XIRP2: variants seen among roughly 807,000 people sequenced by gnomAD.
XIRP2 encodes the protein xin actin binding repeat containing 2.
In XIRP2, 236 loss-of-function variants were observed where a neutral mutation model predicts 277.0. The ratio of observed to expected loss-of-function variants is 0.85; its 90% CI spans 0.77 to 0.95. XIRP2 has a LOEUF of 0.95. Among genes scored for constraint, XIRP2 ranks in the 40% least tolerant of loss-of-function variants. The pLI is 0.00. For missense variants in XIRP2, 4,640 were observed against 4,157.5 expected (o/e 1.12, Z -3.19); for synonymous variants, 1,490 against 1,416.5 (o/e 1.05, Z -1.17).
rs563790973 is a variant in XIRP2 at position 167,025,545 on chromosome 2, T to G, written c.409-110364T>G. Among the ~76,000 whole-genome samples, 953 of 151,786 alleles carry G rather than the reference T, an allele frequency of 6.3e-3. 11 individuals carry two copies. The highest frequency in any genetic ancestry group is 0.021 in the African/African-American group (888 of 41,524). On this transcript the variant is annotated intron_variant, in intron 2 of 10. Coordinates refer to ENST00000409195, the MANE Select transcript of XIRP2 (RefSeq NM_152381.6). ...TTTTCTAGTTCTTTTAATTGTGATG[T>G]TAGGGTGTCAATTTTGGATCTTTCC...
chr2:166,938,852 T>A (rs1685604167), intron 2 of XIRP2, among the ~76,000 whole-genome samples: 2 of 152,194 alleles, frequency 1.3e-5, no homozygotes, highest in Non-Finnish European at 2.9e-5. Context: ...TGTAATGGCC[T>A]CTTTTGTCTC....
intron 2 of XIRP2, among the ~76,000 whole-genome samples, chr2:166,907,764 C>A (rs1173879695): frequency 3.4e-5 from 4 of 117,100 alleles, no homozygotes; most frequent in Non-Finnish European, 7.0e-5. Flanking sequence ...CCCTCCCCCC[C>A]TCCCCCCACC....
chr2:167,236,325 A>G (rs772394565), intron 5 of XIRP2, among the ~76,000 whole-genome samples: 4 of 152,152 alleles, frequency 2.6e-5, no homozygotes, highest in South Asian at 2.1e-4. Flanking sequence ...GAAATTTACA[A>G]TGTCTTTCCC....
At chr2:167,194,706 A>G (rs187836726) in intron 3 of XIRP2, among the ~76,000 whole-genome samples, 91 of 152,208 alleles carry the variant, frequency 6.0e-4, no homozygotes, top group African/African-American at 2.2e-3. Context: ...CCTAGTTTGA[A>G]TTCCATCTCT....
At chr2:166,968,991 C>T (rs971464028) in intron 2 of XIRP2, among the ~76,000 whole-genome samples, 1 of 151,926 alleles carries the variant, frequency 6.6e-6, no homozygotes, top group African/African-American at 2.4e-5. Context: ...AAGCCTGAGG[C>T]CAATGTTTGT....
intron 2 of XIRP2, 114 bp from the exon 3 acceptor site, chr2:167,135,795 C>A: frequency 1.0e-6 from 1 of 988,310 alleles, no homozygotes; most frequent in Non-Finnish European, 1.4e-6. Flanking sequence ...TTGAAAACAT[C>A]CCTCATGACA....
rs1467028030 is a variant in XIRP2, at chr2:167,251,924, A to G, written c.10532A>G (p.Gln3511Arg). Residue 3511 changes from glutamine (Q) to arginine (R), a missense_variant, in exon 9 of 11, where the codon CAA becomes CGA. By Grantham distance (43) the Gln-to-Arg change is conservative. Transcript: ENST00000409195. Reference sequence around the variant, plus strand: ...GCAACTGAGATGAGAACCACCTTCCAAGAGGAATCTGCATTTATAAGTGGT... The same window carrying G: ...GCAACTGAGATGAGAACCACCTTCCGAGAGGAATCTGCATTTATAAGTGGT... Reference protein sequence around the residue: ...ASATEMRTTFQEESAFISEAA... With the variant: ...ASATEMRTTFREESAFISEAA... The G allele has an allele frequency of 6.4e-7, 1 of 1,563,686 alleles. No homozygotes were observed. The highest frequency in any genetic ancestry group is 8.6e-7 in the Non-Finnish European group (1 of 1,161,272).
At chr2:167,149,332 T>C (rs1046030558) in intron 3 of XIRP2, among the ~76,000 whole-genome samples, 26 of 152,138 alleles carry the variant, frequency 1.7e-4, no homozygotes, top group African/African-American at 6.3e-4. Context: ...AAAAGTCCCA[T>C]AGATAAAGTT....
At chr2:167,174,709 G>T (rs1159709265) in intron 3 of XIRP2, among the ~76,000 whole-genome samples, 1 of 151,540 alleles carries the variant, frequency 6.6e-6, no homozygotes, top group Non-Finnish European at 1.5e-5. Flanking sequence ...TGATGTTAGG[G>T]TGTCAATTTT....
intron 2 of XIRP2, among the ~76,000 whole-genome samples, chr2:167,082,691 G>A (rs1445533588): frequency 6.6e-6 from 1 of 152,026 alleles, no homozygotes; most frequent in Non-Finnish European, 1.5e-5. Flanking sequence ...TTTCTCTGAT[G>A]GCCACTGATG....
chr2:167,166,755 G>A (rs538359320), intron 3 of XIRP2, among the ~76,000 whole-genome samples: 66 of 152,200 alleles, frequency 4.3e-4, no homozygotes, highest in South Asian at 1.7e-3. Flanking sequence ...CCATTCATGA[G>A]GGATCTGCCC....
chr2:166,947,768 G>A (rs1186642183), intron 2 of XIRP2, among the ~76,000 whole-genome samples: 1 of 152,134 alleles, frequency 6.6e-6, no homozygotes, highest in East Asian at 1.9e-4. Context: ...TTTACCCAAA[G>A]ACGCTGAAAG....
intron 5 of XIRP2, among the ~76,000 whole-genome samples, chr2:167,239,545 C>T (rs1694993427): frequency 1.3e-5 from 2 of 152,172 alleles, no homozygotes; most frequent in Non-Finnish European, 2.9e-5. Flanking sequence ...AAGTGGGCAG[C>T]CTCTAGAAGC....
In XIRP2 at chr2:167,258,391, T is replaced by A. The variant is rs780883095; in HGVS notation, c.*574T>A. On this transcript the variant is annotated 3_prime_UTR_variant, in exon 11 of 11. Transcript: ENST00000409195. The stretch of plus-strand genomic sequence containing the variant: ...CCCATGTTTGTCAGAAAGAGGATGT[T>A]ATAGGAATCAAAGAAATGAAAATGC... 1 of 1,613,248 alleles carries A rather than the reference T, an allele frequency of 6.2e-7. No individual in the cohort carries two copies. The highest frequency in any genetic ancestry group is 2.2e-5 in the East Asian group (1 of 44,810).
intron 7 of XIRP2, among the ~76,000 whole-genome samples, chr2:167,241,522 C>A (rs1287904118): frequency 1.3e-5 from 2 of 152,160 alleles, no homozygotes; most frequent in East Asian, 1.9e-4. Flanking sequence ...TACCTTGAAT[C>A]TTTTTACTTA....
intron 3 of XIRP2, among the ~76,000 whole-genome samples, chr2:167,149,738 G>C (rs1691960458): frequency 6.6e-6 from 1 of 151,654 alleles, no homozygotes; most frequent in Non-Finnish European, 1.5e-5. Flanking sequence ...AGAAACACTT[G>C]AAATGAAAAA....
chr2:167,248,574 A>T lies in XIRP2; in HGVS notation c.7182A>T (p.Gln2394His), dbSNP rs1226135139. 6.2e-7 allele frequency: 1 copy of T among 1,613,786 alleles called. No homozygotes were observed. The highest frequency in any genetic ancestry group is 8.5e-7 in the Non-Finnish European group (1 of 1,179,826). Reference sequence around the variant, plus strand: ...AAAAGCACAGTGGAGACTTCATGCAACAATATTCCCAAAAAGAAGCCTCGA... The same window carrying T: ...AAAAGCACAGTGGAGACTTCATGCATCAATATTCCCAAAAAGAAGCCTCGA... ...APEKHSGDFM[Q>H]QYSQKEASNS... The change falls in exon 9 of 11, where the codon CAA becomes CAT. Residue 2394 changes from glutamine (Q) to histidine (H), a missense_variant. By Grantham distance (24) the Gln-to-His change is conservative. Coordinates refer to ENST00000409195, the MANE Select transcript of XIRP2 (RefSeq NM_152381.6).
chr2:167,005,123 G>T (rs1419719199), intron 2 of XIRP2, among the ~76,000 whole-genome samples: 1 of 151,972 alleles, frequency 6.6e-6, no homozygotes, highest in Non-Finnish European at 1.5e-5. Context: ...CTGGCATGAT[G>T]CATTTGCAAA....
In XIRP2 at chr2:167,060,782, C is replaced by A. The variant is rs544693185; in HGVS notation, c.409-75127C>A. 3.9e-5 allele frequency among the ~76,000 whole-genome samples: 6 copies of A among 152,160 alleles called. No individual in the cohort carries two copies. The South Asian group carries it at 1.0e-3, about 26-fold the overall frequency. On this transcript the variant is annotated intron_variant, in intron 2 of 10. Coordinates refer to ENST00000409195, the MANE Select transcript of XIRP2 (RefSeq NM_152381.6). ...CAATTACTAGAGAGTTATGATAATT[C>A]TTGAATTCAGATAGGGTAAGTCATT...
Sources: allele counts gnomAD v4.1 joint callset (sites outside exome capture counted in the v4.1 genomes callset), GRCh38; gene constraint gnomAD v4.1.1; transcripts MANE v1.5; gene names NCBI Gene and HGNC (gene_info 2026-07-23, HGNC 2026-07-21).